The following ZDHHC15 variants were observed in gnomAD, a reference collection of about 807,000 sequenced individuals.
The protein encoded by ZDHHC15 is zDHHC palmitoyltransferase 15, also known as palmitoyltransferase ZDHHC15.
A neutral mutation model predicts 31.7 loss-of-function variants in ZDHHC15; 19 were observed. That is an observed-to-expected ratio of 0.60 (90% CI 0.42 to 0.88). ZDHHC15 has a LOEUF of 0.88. Ranked by LOEUF, ZDHHC15 falls within the 40% of genes least tolerant of loss-of-function variation. The pLI is 0.00. For missense variants in ZDHHC15, 209 were observed against 251.2 expected (o/e 0.83, Z 1.14); for synonymous variants, 103 against 90.0 (o/e 1.14, Z -0.82).
intron 10 of ZDHHC15, among the ~76,000 whole-genome samples, chrX:75,410,634 TG>T (rs772980576): frequency 8.9e-6 from 1 of 111,828 alleles, no homozygotes; most frequent in South Asian, 3.7e-4. Context: ...ACACTGTTGG[TG>T]GAAATGTAAA....
At chrX:75,405,734 C>A (rs967115863) in intron 10 of ZDHHC15, among the ~76,000 whole-genome samples, 2 of 111,487 alleles carry the variant, frequency 1.8e-5, no homozygotes, top group Admixed American at 1.9e-4. Flanking sequence ...AGTTTAACAC[C>A]CCATTTTCAG....
At chrX:75,500,584 T>G (rs1055646938) in intron 2 of ZDHHC15, among the ~76,000 whole-genome samples, 2 of 109,612 alleles carry the variant, frequency 1.8e-5, no homozygotes, top group African/African-American at 3.3e-5. Flanking sequence ...AGTGTGAAGA[T>G]AACTGGAAAT....
Position 75,432,410 on chromosome X carries a change from C to T in ZDHHC15, c.380-890G>A, listed in dbSNP as rs145600209. Among the ~76,000 whole-genome samples the T allele has an allele frequency of 4.4e-3, 497 of 112,041 alleles. 2 individuals are homozygous for T. Among genetic ancestry groups the T allele is most frequent in the African/African-American group, 0.015 (455 of 30,833 alleles). On this transcript the variant is annotated intron_variant, in intron 4 of 11. Transcript: ENST00000373367. ...CATATTACTGATTCAACACAATAGA[C>T]AGTTAATTCAGCAGAGATTTGTGTT...
Position 75,428,080 on chromosome X carries a change from C to G in ZDHHC15, c.603+998G>C, listed in dbSNP as rs745644690. On this transcript the variant is annotated intron_variant, in intron 7 of 11. Coordinates refer to ENST00000373367, the MANE Select transcript of ZDHHC15 (RefSeq NM_144969.3). ...ATGTTCTTTCTCTACGGCTTTATGT[C>G]TCCATTTGAGGTGAGATATTCATGT... Among the ~76,000 whole-genome samples, 17 of 110,892 alleles carry G rather than the reference C, an allele frequency of 1.5e-4. No homozygotes were observed. The Admixed American group carries it at 1.5e-3, about 10-fold the overall frequency.
intron 2 of ZDHHC15, chrX:75,501,637 A>G (rs888250733): frequency 9.0e-6 from 1 of 110,982 alleles, no homozygotes; most frequent in African/African-American, 3.3e-5. Flanking sequence ...TGACTTTTTA[A>G]TAGTAGCCAT....
intron 3 of ZDHHC15, among the ~76,000 whole-genome samples, chrX:75,454,931 G>A (rs1287633089): frequency 3.6e-5 from 4 of 111,157 alleles, no homozygotes; most frequent in Non-Finnish European, 7.5e-5. Context: ...TCCTGAAAAT[G>A]GCCATACTGC....
chrX:75,451,237 C>A (rs1475263011), intron 3 of ZDHHC15, among the ~76,000 whole-genome samples: 1 of 111,926 alleles, frequency 8.9e-6, no homozygotes, highest in Non-Finnish European at 1.9e-5. Context: ...GATTTCAAGA[C>A]TTGTCCCTTT....
chrX:75,521,767 G>A (rs1262925395), intron 1 of ZDHHC15, among the ~76,000 whole-genome samples: 1 of 111,345 alleles, frequency 9.0e-6, no homozygotes, highest in Non-Finnish European at 1.9e-5. Flanking sequence ...GATGGGACAA[G>A]TGCAATCCAA....
chrX:75,443,256 G>A (rs887515722), intron 4 of ZDHHC15, among the ~76,000 whole-genome samples: 1 of 110,188 alleles, frequency 9.1e-6, no homozygotes. Context: ...TACTGTTTTG[G>A]TACCAAAACA....
chrX:75,427,627 C>T (rs1237689734), intron 7 of ZDHHC15, among the ~76,000 whole-genome samples: 1 of 111,434 alleles, frequency 9.0e-6, no homozygotes, highest in Non-Finnish European at 1.9e-5. Context: ...ATTTTCTTCA[C>T]ATTCAGGGTA....
chrX:75,515,717 T>C (rs1365975893), intron 1 of ZDHHC15, among the ~76,000 whole-genome samples: 1 of 111,476 alleles, frequency 9.0e-6, no homozygotes, highest in Admixed American at 9.6e-5. Context: ...CAACAACATA[T>C]TGGAAGTTCT....
At chrX:75,410,522 A>G (rs1166815122) in intron 10 of ZDHHC15, among the ~76,000 whole-genome samples, 5 of 112,301 alleles carry the variant, frequency 4.5e-5, no homozygotes, top group African/African-American at 1.6e-4. Flanking sequence ...ACCAATCTTC[A>G]GGGAAATGAA....
At chrX:75,474,976 C>T (rs371214668) in intron 3 of ZDHHC15, among the ~76,000 whole-genome samples, 60 of 110,703 alleles carry the variant, frequency 5.4e-4, no homozygotes, top group East Asian at 1.1e-3. Flanking sequence ...AGGAGAATGG[C>T]GTGAACCCGG....
At chrX:75,387,030 G>A (rs1455578788) in intron 10 of ZDHHC15, among the ~76,000 whole-genome samples, 1 of 111,097 alleles carries the variant, frequency 9.0e-6, no homozygotes, top group South Asian at 3.8e-4. Context: ...TTCCTCTTTG[G>A]AAGTTTCCAC....
chrX:75,371,223 A>G lies in ZDHHC15; in HGVS notation c.*1755T>C. On this transcript the variant is annotated 3_prime_UTR_variant, in exon 12 of 12. Transcript: ENST00000373367. Reference sequence around the variant, plus strand: ...GGGAATGGCCAAATAAGGTTTCAGGAAAAACCGAAATGAGAGTATTTTGAG... The same window carrying G: ...GGGAATGGCCAAATAAGGTTTCAGGGAAAACCGAAATGAGAGTATTTTGAG... 8.9e-6 allele frequency: 1 copy of G among 111,938 alleles called. No individual in the cohort carries two copies. The highest frequency in any genetic ancestry group is 2.8e-4 in the East Asian group (1 of 3,549). The allele number at this position is 111,938 out of a possible 1,213,427, so 9.2% of individuals were successfully genotyped here. A position where few individuals can be genotyped will look rare whatever the true frequency, so the allele number is the denominator to read the frequency against.
chrX:75,425,071 G>A lies in ZDHHC15; in HGVS notation c.604-287C>T, dbSNP rs180982621. ...AGGGTAATGTGAAAAGGGTATTCTC[G>A]GGCCATAATTGGTATGCAACCGCTT... On this transcript the variant is annotated intron_variant, in intron 7 of 11. Transcript: ENST00000373367. Among the ~76,000 whole-genome samples, 365 of 110,418 alleles carry A rather than the reference G, an allele frequency of 3.3e-3. 1 individual carries two copies. The highest frequency in any genetic ancestry group is 0.011 in the African/African-American group (341 of 30,460).
In ZDHHC15 at chrX:75,383,671, T is replaced by C. The variant is rs770586431; in HGVS notation, c.968-4473A>G. Among the ~76,000 whole-genome samples the C allele has an allele frequency of 1.4e-4, 15 of 110,498 alleles. No homozygotes were observed. The South Asian group carries it at 5.9e-3, about 43-fold the overall frequency. ...CAATAACATATCCTGTATTGTGTTTTGTTAGGCAGCTTTCCACGTATGTAT... is the reference window on the plus strand; with the variant it reads ...CAATAACATATCCTGTATTGTGTTTCGTTAGGCAGCTTTCCACGTATGTAT... On this transcript the variant is annotated intron_variant, in intron 10 of 11. Transcript: ENST00000373367.
chrX:75,513,888 A>AAC (rs1556057505), intron 1 of ZDHHC15, among the ~76,000 whole-genome samples: 3 of 111,720 alleles, frequency 2.7e-5, no homozygotes, highest in African/African-American at 9.7e-5. Flanking sequence ...CAAAAAAAAA[A>AAC]CAATAAGACT....
At chrX:75,459,301 T>G (rs761906417) in intron 3 of ZDHHC15, among the ~76,000 whole-genome samples, 1 of 111,494 alleles carries the variant, frequency 9.0e-6, no homozygotes, top group African/African-American at 3.3e-5. Flanking sequence ...AGTCAAGCAG[T>G]GTCATTCTGC....
Sources: allele counts gnomAD v4.1 joint callset (sites outside exome capture counted in the v4.1 genomes callset), GRCh38; gene constraint gnomAD v4.1.1; transcripts MANE v1.5; gene names NCBI Gene and HGNC (gene_info 2026-07-23, HGNC 2026-07-21).